Variants in SORBS2 observed in about 807,000 individuals in gnomAD.
SORBS2 encodes sorbin and SH3 domain-containing protein 2.
SORBS2 carries 46 observed loss-of-function variants against 97.7 expected under a neutral mutation model. The ratio of observed to expected loss-of-function variants is 0.47; its 90% CI spans 0.37 to 0.60. The LOEUF is 0.60. Among genes scored for constraint, SORBS2 ranks in the 20% least tolerant of loss-of-function variants. SORBS2 has a pLI of 0.00. For missense variants in SORBS2, 1,316 were observed against 1,282.3 expected (o/e 1.03, Z -0.40); for synonymous variants, 476 against 473.4 (o/e 1.01, Z -0.07).
chr4:185,686,750 G>A (rs1014577741), intron 2 of SORBS2, among the ~76,000 whole-genome samples: 1 of 152,222 alleles, frequency 6.6e-6, no homozygotes, highest in Non-Finnish European at 1.5e-5. Context: ...GGTGAAAAGA[G>A]AAAATTCCAG....
chr4:185,744,343 C>G (rs533058711), intron 2 of SORBS2, among the ~76,000 whole-genome samples: 1 of 152,188 alleles, frequency 6.6e-6, no homozygotes, highest in East Asian at 1.9e-4. Context: ...TCCAGGGTCC[C>G]CAAGAGTACT....
chr4:185,589,656 G>A (rs754649582), intron 14 of SORBS2, 23 bp downstream of exon 26: 6 of 1,394,412 alleles, frequency 4.3e-6, no homozygotes, highest in Non-Finnish European at 6.1e-6. Flanking sequence ...AGCCGAAGGT[G>A]CCTGAGGAAG....
intron 1 of SORBS2, among the ~76,000 whole-genome samples, chr4:185,946,793 T>C (rs2099274741): frequency 6.6e-6 from 1 of 152,184 alleles, no homozygotes; most frequent in African/African-American, 2.4e-5. Flanking sequence ...AATAAGACAA[T>C]AAAACCTTCG....
chr4:185,728,624 C>T (rs144957692), intron 2 of SORBS2, among the ~76,000 whole-genome samples: 4 of 152,334 alleles, frequency 2.6e-5, no homozygotes, highest in African/African-American at 7.2e-5. Flanking sequence ...TGCGCAGGAG[C>T]ACTCATTATT....
chr4:185,657,587 T>C, upstream of SORBS2: 1 of 1,588,776 alleles, frequency 6.3e-7, no homozygotes, highest in Non-Finnish European at 8.5e-7. Flanking sequence ...GGGATATGTG[T>C]CTGTGGAATC....
At chr4:185,930,227 T>C (rs981619455) in intron 1 of SORBS2, among the ~76,000 whole-genome samples, 1 of 152,322 alleles carries the variant, frequency 6.6e-6, no homozygotes, top group Admixed American at 6.5e-5. Context: ...TTACAGTTTT[T>C]ATTACTTTAT....
intron 1 of SORBS2, among the ~76,000 whole-genome samples, chr4:185,858,599 C>G (rs2099221982): frequency 6.6e-6 from 1 of 152,158 alleles, no homozygotes; most frequent in African/African-American, 2.4e-5. Context: ...TTGCCATAAG[C>G]ACTGACATCT....
At chr4:185,827,756 TCACCATCATCATCACCATCAC>T (rs2099202285) in intron 1 of SORBS2, among the ~76,000 whole-genome samples, 1 of 19,420 alleles carries the variant, frequency 5.1e-5, no homozygotes, top group Non-Finnish European at 1.4e-4. Context: ...ATCACCATCA[TCACCATCATCATCACCATCAC>T]CATCATCATC....
At chr4:185,656,500 G>T in intron 1 of SORBS2, 5 of 546,434 alleles carry the variant, frequency 9.2e-6, no homozygotes, top group Non-Finnish European at 1.5e-5. Flanking sequence ...TATTGTCTTG[G>T]CTGCCCAGGT....
intron 1 of SORBS2, among the ~76,000 whole-genome samples, chr4:185,938,688 G>T (rs2099270315): frequency 6.6e-6 from 1 of 151,042 alleles, no homozygotes; most frequent in Admixed American, 6.6e-5. Flanking sequence ...GAACCCCAGT[G>T]CACCAACCCT....
At position 185,669,566 on chromosome 4, in the gene SORBS2, G is replaced by C. The variant is rs139290095; in HGVS notation, c.-45-7324C>G. Among the ~76,000 whole-genome samples, 112 of 152,282 alleles carry C rather than the reference G, an allele frequency of 7.4e-4. 1 individual carries two copies. Among genetic ancestry groups the C allele is most frequent in the African/African-American group, 2.6e-3 (110 of 41,558 alleles). ...GAAGGAGTGCATGGCCAGGCCTCAG[G>C]AGAGGAGGGGAAAGTGCTCGTTGGG... On this transcript the variant is annotated intron_variant, in intron 4 of 20. Transcript: ENST00000284776.
intron 1 of SORBS2, among the ~76,000 whole-genome samples, chr4:185,868,234 G>A (rs549403729): frequency 2.9e-5 from 4 of 138,396 alleles, no homozygotes; most frequent in South Asian, 2.3e-4. Flanking sequence ...TTGGCTCACT[G>A]CAACTTCCGC....
intron 1 of SORBS2, among the ~76,000 whole-genome samples, chr4:185,786,147 T>C (rs1456855801): frequency 1.3e-5 from 2 of 152,220 alleles, no homozygotes; most frequent in Non-Finnish European, 2.9e-5. Context: ...TTTTATGTTT[T>C]GGGTTTTTTT....
chr4:185,825,464 T>C (rs1226811563), intron 1 of SORBS2, among the ~76,000 whole-genome samples: 1 of 152,262 alleles, frequency 6.6e-6, no homozygotes, highest in African/African-American at 2.4e-5. Flanking sequence ...AATTTCTTAC[T>C]TCAGCACTGT....
intron 1 of SORBS2, among the ~76,000 whole-genome samples, chr4:185,865,501 A>G (rs2099226370): frequency 6.6e-6 from 1 of 152,224 alleles, no homozygotes; most frequent in South Asian, 2.1e-4. Context: ...TTAAAAAACA[A>G]CAACAAAAAT....
In SORBS2 at chr4:185,651,667, C is replaced by T. The variant is rs998754872; in HGVS notation, c.91+995G>A. On this transcript the variant is annotated intron_variant, in intron 2 of 14. Coordinates refer to ENST00000418609, the Ensembl canonical transcript of SORBS2. ...TGAGAAAAGAAAAGAAATCCTCCTC[C>T]TAATATATGAACTGAAAACATGTGC... 11 of 724,580 alleles carry T rather than the reference C, an allele frequency of 1.5e-5. No homozygotes were observed. The African/African-American group carries it at 1.6e-4, about 11-fold the overall frequency. 44.9% of individuals were successfully genotyped at this position (724,580 alleles called of 1,614,324 possible). A position where few individuals can be genotyped will look rare whatever the true frequency, so the allele number is the denominator to read the frequency against.
intron 1 of SORBS2, among the ~76,000 whole-genome samples, chr4:185,806,528 G>A (rs1325180556): frequency 3.8e-5 from 5 of 131,650 alleles, no homozygotes; most frequent in South Asian, 2.7e-4. Context: ...CGGGATCTCG[G>A]CTCACTGCAA....
rs571472166 is a variant in SORBS2 at position 185,761,883 on chromosome 4, GAC to G, written c.-198+13342_-198+13343del. Among the ~76,000 whole-genome samples the G allele has an allele frequency of 1.8e-4, 27 of 152,292 alleles. No individual in the cohort carries two copies. In the East Asian group the frequency reaches 5.2e-3, roughly 29 times the overall value. ...TGCACTGAATTTACCTTCATTGGTT[GAC>G]ACAGTTATCTTTCCTGATCCTCAAA... is the stretch of plus-strand genomic sequence containing the variant. On this transcript the variant is annotated intron_variant, in intron 2 of 20. Coordinates refer to the SORBS2 transcript ENST00000284776.
chr4:185,617,525 T>TTA (rs71593641), intron 9 of SORBS2, among the ~76,000 whole-genome samples: 4,416 of 150,902 alleles, frequency 0.029, 195 homozygotes, highest in African/African-American at 0.1. Context: ...ATTTTGGTTA[T>TTA]TATATATATA....
Sources: gnomAD v4.1 joint callset for allele counts (sites outside exome capture counted in the v4.1 genomes callset) on GRCh38, gnomAD v4.1.1 for gene constraint, MANE v1.5 for transcripts, NCBI Gene and HGNC (gene_info 2026-07-23, HGNC 2026-07-21) for gene names.